ABCG8: variants seen among roughly 807,000 people sequenced by gnomAD.
ABCG8 encodes the protein ATP binding cassette subfamily G member 8, also known as ATP-binding cassette sub-family G member 8.
A neutral mutation model predicts 71.3 loss-of-function variants in ABCG8; 81 were observed. That is an observed-to-expected ratio of 1.14 (90% CI 0.95 to 1.37). The LOEUF is 1.37. Among genes scored for constraint, ABCG8 ranks in the 40% most tolerant of loss-of-function variants. ABCG8 has a pLI of 0.00. For missense variants in ABCG8, 1,119 were observed against 866.2 expected (o/e 1.29, Z -3.66); for synonymous variants, 451 against 354.7 (o/e 1.27, Z -3.05).
In ABCG8 at chr2:43,880,182, T is replaced by TG. The variant is rs1395233209; in HGVS notation, c.*2269_*2270insG. The TG allele has an allele frequency of 6.7e-6, 1 of 148,312 alleles. No individual in the cohort carries two copies. Among genetic ancestry groups the TG allele is most frequent in the East Asian group, 2.0e-4 (1 of 5,096 alleles). The allele number at this position is 148,312 out of a possible 1,614,324, so 9.2% of individuals were successfully genotyped here. ...TTCAGGCTCATTTTTTGTTTTGTTT[T>TG]TTTTTTTTTGAGACAGAATCTCATT... is the stretch of plus-strand genomic sequence containing the variant. On this transcript the variant is annotated 3_prime_UTR_variant, in exon 13 of 13. Transcript: ENST00000272286.
At chr2:43,863,997 A>T (rs190076233) in intron 6 of ABCG8, among the ~76,000 whole-genome samples, 1 of 147,774 alleles carries the variant, frequency 6.8e-6, no homozygotes, top group Admixed American at 6.8e-5. Flanking sequence ...TATAATTCTC[A>T]CTCTCTGGGT....
At chr2:43,874,529 G>T (rs117574001) in intron 10 of ABCG8, 46 bp downstream of exon 10, 33 of 1,482,512 alleles carry the variant, frequency 2.2e-5, no homozygotes, top group Non-Finnish European at 2.5e-5. Flanking sequence ...CCACCAGGGT[G>T]GGGGTAAGTG....
chr2:43,873,103 C>T (rs909753553), intron 8 of ABCG8, among the ~76,000 whole-genome samples: 3 of 152,134 alleles, frequency 2.0e-5, no homozygotes, highest in African/African-American at 4.8e-5. Flanking sequence ...CATAATCACC[C>T]ACCCATTAAG....
intron 6 of ABCG8, among the ~76,000 whole-genome samples, chr2:43,857,475 A>G (rs925437812): frequency 6.6e-6 from 1 of 150,786 alleles, no homozygotes; most frequent in Non-Finnish European, 1.5e-5. Flanking sequence ...AACTCTCACT[A>G]TCTCTCTGGA....
chr2:43,839,176 TTC>T, intron 1 of ABCG8, 60 bp downstream of exon 1: 1 of 1,524,290 alleles, frequency 6.6e-7, no homozygotes, highest in Non-Finnish European at 8.9e-7. Context: ...AATCAAACCT[TTC>T]TCTCTTCCCT....
At chr2:43,862,790 T>G (rs1669373625) in intron 6 of ABCG8, among the ~76,000 whole-genome samples, 1 of 150,986 alleles carries the variant, frequency 6.6e-6, no homozygotes, top group East Asian at 1.9e-4. Flanking sequence ...TCACTATCTC[T>G]CTGTGTAGAA....
chr2:43,875,056 G>C, intron 10 of ABCG8, 90 bp from the exon 11 acceptor site: 3 of 1,574,114 alleles, frequency 1.9e-6, no homozygotes, highest in Non-Finnish European at 2.6e-6. Context: ...AGGGAAGGTT[G>C]CTATCTGGGG....
intron 11 of ABCG8, 52 bp from the exon 12 acceptor site, chr2:43,877,509 A>C (rs1669996509): frequency 1.9e-6 from 3 of 1,611,774 alleles, no homozygotes; most frequent in Admixed American, 1.7e-5. Context: ...AATATGGGGA[A>C]ACCATGAGAA....
chr2:43,856,338 C>G (rs1436913776), intron 6 of ABCG8, among the ~76,000 whole-genome samples: 1 of 135,444 alleles, frequency 7.4e-6, no homozygotes, highest in East Asian at 2.0e-4. Context: ...CACTCCCTGT[C>G]TGGATAGAAC....
chr2:43,866,114 A>C (rs1669525005), intron 6 of ABCG8, among the ~76,000 whole-genome samples: 1 of 152,034 alleles, frequency 6.6e-6, no homozygotes, highest in Non-Finnish European at 1.5e-5. Flanking sequence ...CTATTTAATA[A>C]ATGGTGCTGG....
intron 3 of ABCG8, among the ~76,000 whole-genome samples, chr2:43,849,021 TA>T (rs1193216137): frequency 0.018 from 1,001 of 54,700 alleles, 1 homozygote; most frequent in African/African-American, 0.049. Context: ...AAACACTGTC[TA>T]AAAAAAAAAA....
Position 43,878,207 on chromosome 2 carries a change from G to A in ABCG8, c.*294G>A, listed in dbSNP as rs1670026244. Reference sequence around the variant, plus strand: ...TTTCCTTTTGATATGCATTTATATAGGCAACTCGATATAGGATGGGAGCAA... The same window carrying A: ...TTTCCTTTTGATATGCATTTATATAAGCAACTCGATATAGGATGGGAGCAA... On this transcript the variant is annotated 3_prime_UTR_variant, in exon 13 of 13. Transcript: ENST00000272286. 4.6e-6 allele frequency: 2 copies of A among 435,944 alleles called. No individual in the cohort carries two copies. Among genetic ancestry groups the A allele is most frequent in the African/African-American group, 2.0e-5 (1 of 49,772 alleles). The allele number at this position is 435,944 out of a possible 1,614,324, so 27.0% of individuals were successfully genotyped here. A position where few individuals can be genotyped will look rare whatever the true frequency, so the allele number is the denominator to read the frequency against.
chr2:43,874,079 G>C (rs1669873962), intron 9 of ABCG8, 93 bp downstream of exon 9: 1 of 1,280,246 alleles, frequency 7.8e-7, no homozygotes. Context: ...TGATTTCATT[G>C]TGATTGTGAT....
chr2:43,864,061 T>C (rs1191492151), intron 6 of ABCG8, among the ~76,000 whole-genome samples: 1 of 151,062 alleles, frequency 6.6e-6, no homozygotes, highest in Non-Finnish European at 1.5e-5. Flanking sequence ...ATTCTCACTA[T>C]CTGTCTGGAT....
chr2:43,864,078 C>G (rs1572851465), intron 6 of ABCG8, among the ~76,000 whole-genome samples: 1 of 151,262 alleles, frequency 6.6e-6, no homozygotes, highest in African/African-American at 2.4e-5. Context: ...GGATAGAATT[C>G]TCACTCTCTG....
intron 3 of ABCG8, among the ~76,000 whole-genome samples, chr2:43,850,705 G>A (rs561246054): frequency 1.3e-5 from 2 of 152,280 alleles, no homozygotes; most frequent in East Asian, 1.9e-4. Context: ...CTGAGGTCAG[G>A]AGTTCAAGAC....
chr2:43,875,427 C>A lies in ABCG8; in HGVS notation c.1756+14C>A, dbSNP rs768606074. 6.2e-7 allele frequency: 1 copy of A among 1,610,220 alleles called. No homozygotes were observed. Among genetic ancestry groups the A allele is most frequent in the Non-Finnish European group, 8.5e-7 (1 of 1,177,494 alleles). ...GCCTGTGGACAGGTAAGGCCTGCCCCCGGGGCCTGGGCCAGCTTTGTTAGG... is the reference window on the plus strand; with the variant it reads ...GCCTGTGGACAGGTAAGGCCTGCCCACGGGGCCTGGGCCAGCTTTGTTAGG... On this transcript the variant is annotated intron_variant, in intron 11 of 12. Coordinates refer to ENST00000272286, the MANE Select transcript of ABCG8 (RefSeq NM_022437.3).
chr2:43,848,524 T>C (rs1013801800), intron 3 of ABCG8: 6 of 152,236 alleles, frequency 3.9e-5, no homozygotes, highest in South Asian at 2.1e-4. Flanking sequence ...CTAAGTTTGC[T>C]TGCAGTTTGC....
chr2:43,848,254 G>A (rs1668808014), intron 3 of ABCG8: 1 of 152,210 alleles, frequency 6.6e-6, no homozygotes, highest in Non-Finnish European at 1.5e-5. Flanking sequence ...GCTCCCCCAA[G>A]CAATTTGGTC....
Sources: gnomAD v4.1 joint callset for allele counts (sites outside exome capture counted in the v4.1 genomes callset) on GRCh38, gnomAD v4.1.1 for gene constraint, MANE v1.5 for transcripts, NCBI Gene and HGNC (gene_info 2026-07-23, HGNC 2026-07-21) for gene names.